TAMALIN: variants seen among roughly 807,000 people sequenced by gnomAD.
TAMALIN encodes protein TAMALIN.
TAMALIN carries 9 observed loss-of-function variants against 38.5 expected under a neutral mutation model. That is an observed-to-expected ratio of 0.23 (90% CI 0.14 to 0.41). TAMALIN has a LOEUF of 0.41. Ranked by LOEUF, TAMALIN falls within the 10% of genes least tolerant of loss-of-function variation. The pLI, the probability that TAMALIN is intolerant of heterozygous loss-of-function variation, is 1.00. For synonymous variants in TAMALIN, 306 were observed against 256.5 expected (o/e 1.19, Z -1.85); for missense variants, 548 against 554.1 (o/e 0.99, Z 0.11).
intron 4 of TAMALIN, among the ~76,000 whole-genome samples, chr12:52,012,129 CA>C (rs1198299600): frequency 1.3e-5 from 2 of 152,152 alleles, no homozygotes; most frequent in Non-Finnish European, 2.9e-5. Context: ...GCAAAAGAGA[CA>C]AAACATGGGT....
At position 52,008,996 on chromosome 12, in the gene TAMALIN, G is replaced by A. The variant is rs2641528; in HGVS notation, c.247-194G>A. On this transcript the variant is annotated intron_variant, in intron 1 of 7. Coordinates refer to ENST00000293662, the MANE Select transcript of TAMALIN (RefSeq NM_181711.4). ...CTGCAGTCCCAGGTATGAAGGTAAG[G>A]CCTGTAGAGAAAGTTGAGGAGTGGT... Among the ~76,000 whole-genome samples, 1,438 of 152,346 alleles carry A rather than the reference G, an allele frequency of 9.4e-3. 31 individuals are homozygous for A. Among genetic ancestry groups the A allele is most frequent in the African/African-American group, 0.033 (1,368 of 41,554 alleles).
At position 52,011,120 on chromosome 12, in the gene TAMALIN, C is replaced by G; in HGVS notation, c.433C>G (p.Gln145Glu). The change falls in exon 4 of 8, where the codon CAG (glutamine) becomes GAG (glutamate). Residue 145 changes from glutamine (Q) to glutamate (E), a missense_variant. This residue lies in a region of TAMALIN where 415 missense variants were observed against 417.0 expected (regional missense o/e 1.00). Coordinates refer to ENST00000293662, the MANE Select transcript of TAMALIN (RefSeq NM_181711.4). The surrounding 1 kb of genome is among the most constrained non-coding windows in gnomAD (Gnocchi z 5.3). ...CCGAGTTCATGAGTCTAGCCCTGCC[C>G]AGCTGGCTGGGCTCACACCAGGTGG... ...VCRVHESSPA[Q>E]LAGLTPGDTI... 6.2e-7 allele frequency: 1 copy of G among 1,612,298 alleles called. No individual in the cohort carries two copies. Among genetic ancestry groups the G allele is most frequent in the East Asian group, 2.2e-5 (1 of 44,890 alleles).
intron 7 of TAMALIN, 136 bp downstream of exon 7, chr12:52,014,337 GCTA>G (rs1937734374): frequency 1.6e-5 from 12 of 761,630 alleles, no homozygotes; most frequent in Non-Finnish European, 9.1e-6. Flanking sequence ...GGTTTGTTGA[GCTA>G]CTACTACTTT....
In TAMALIN at chr12:52,015,138, G is replaced by A. The variant is rs780085804; in HGVS notation, c.1127G>A (p.Arg376Gln). ...ACCAAGTACCGCAGCTTCCGCCGGC[G>A]GCTGCTCAAGTTCATCCCCGGACTC... The part of the protein sequence containing the change: ...RKTKYRSFRR[R>Q]LLKFIPGLNR... Residue 376 changes from arginine to glutamine, a missense_variant, in exon 8 of 8, where the codon CGG becomes CAG. By Grantham distance (43) the Arg-to-Gln change is conservative. This residue lies in a region of TAMALIN where 415 missense variants were observed against 417.0 expected (regional missense o/e 1.00). Transcript: ENST00000293662. 1 of 1,593,118 alleles carries A rather than the reference G, an allele frequency of 6.3e-7. No homozygotes were observed. Among genetic ancestry groups the A allele is most frequent in the Non-Finnish European group, 8.5e-7 (1 of 1,177,816 alleles).
At position 52,015,078 on chromosome 12, in the gene TAMALIN, G is replaced by T. The variant is rs769742423; in HGVS notation, c.1067G>T (p.Arg356Leu). The change falls in exon 8 of 8, where the codon CGC (arginine) becomes CTC (leucine). Residue 356 changes from arginine (R) to leucine (L), a missense_variant. Arg to Leu is a moderately radical substitution (Grantham distance 102, BLOSUM62 -2). Transcript: ENST00000293662. ...CCGGGCGCGCTCTGGACTGAGGCTC[G>T]CGAGCAGGCCCTATGCGGCCCCGGC... ...GAPGALWTEAREQALCGPGLR... is the reference protein window; with the variant it reads ...GAPGALWTEALEQALCGPGLR... 2 of 1,506,836 alleles carry T rather than the reference G, an allele frequency of 1.3e-6. No homozygotes were observed. The highest frequency in any genetic ancestry group is 1.2e-5 in the South Asian group (1 of 81,992). 93.3% of individuals were successfully genotyped at this position (1,506,836 alleles called of 1,614,324 possible).
chr12:52,012,220 A>G (rs1185903389), intron 4 of TAMALIN, among the ~76,000 whole-genome samples: 1 of 152,210 alleles, frequency 6.6e-6, no homozygotes, highest in Non-Finnish European at 1.5e-5. Flanking sequence ...CAAAAACAGC[A>G]TGGATCCCTT....
At chr12:52,008,410 AC>A (rs927580131) in intron 1 of TAMALIN, 179 of 957,696 alleles carry the variant, frequency 1.9e-4, no homozygotes, top group Non-Finnish European at 2.2e-4. Context: ...CTTCCTCCAC[AC>A]CCCCCACCAC....
intron 1 of TAMALIN, chr12:52,008,106 T>C (rs1188718240): frequency 2.0e-6 from 2 of 985,268 alleles, no homozygotes; most frequent in African/African-American, 3.5e-5. Context: ...ATGAAAATCA[T>C]GTTGAAAGAC....
chr12:52,012,684 A>G (rs1743855126), intron 4 of TAMALIN, among the ~76,000 whole-genome samples: 1 of 152,196 alleles, frequency 6.6e-6, no homozygotes, highest in Non-Finnish European at 1.5e-5. Flanking sequence ...AACTTCTCAA[A>G]GTAGTTTCAA....
chr12:52,014,570 G>T (rs1354291663), intron 7 of TAMALIN, 124 bp from the exon 8 acceptor site: 1 of 737,054 alleles, frequency 1.4e-6, no homozygotes, highest in Non-Finnish European at 2.1e-6. Flanking sequence ...TTTGTGCCTG[G>T]CCAGGGCCAC....
intron 1 of TAMALIN, chr12:52,008,246 G>T (rs896254671): frequency 2.0e-6 from 2 of 985,220 alleles, no homozygotes; most frequent in Non-Finnish European, 2.4e-6. Context: ...GGTTAGCAAA[G>T]GCACAGAACA....
At position 52,011,605 on chromosome 12, in the gene TAMALIN, CTT is replaced by C. The variant is rs11286503; in HGVS notation, c.454+476_454+477del. ...TTACTCCCTTTTAAAAAATTAGAAA[CTT>C]TTTTTTTTTTTAAGAGACAGGGCCT... On this transcript the variant is annotated intron_variant, in intron 4 of 7. Coordinates refer to ENST00000293662, the MANE Select transcript of TAMALIN (RefSeq NM_181711.4). The surrounding 1 kb of genome is among the most constrained non-coding windows in gnomAD (Gnocchi z 5.3). Among the ~76,000 whole-genome samples the C allele has an allele frequency of 4.3e-3, 644 of 148,398 alleles. 1 individual carries two copies. The highest frequency in any genetic ancestry group is 0.011 in the African/African-American group (463 of 40,570).
At position 52,007,095 on chromosome 12, in the gene TAMALIN, C is replaced by T. The variant is rs770208816; in HGVS notation, c.76C>T (p.Pro26Ser). ...CACCCCGGACCCCGCCGCCCGGACT[C>T]CCGACTCGGAAGTCGCGCCCGCCGC... ...AATPDPAART[P>S]DSEVAPAAPV... Residue 26 changes from proline (P) to serine (S), a missense_variant, in exon 1 of 8, where the codon CCC becomes TCC. Transcript: ENST00000293662. The surrounding 1 kb of genome is among the most constrained non-coding windows in gnomAD (Gnocchi z 6.7). 8 of 1,481,892 alleles carry T rather than the reference C, an allele frequency of 5.4e-6. No individual in the cohort carries two copies. The South Asian group carries it at 6.4e-5, about 12-fold the overall frequency. 91.8% of individuals were successfully genotyped at this position (1,481,892 alleles called of 1,614,324 possible).
In TAMALIN at chr12:52,015,106, G is replaced by T. The variant is rs1392623315; in HGVS notation, c.1095G>T (p.Leu365=). The T allele has an allele frequency of 1.3e-6, 2 of 1,575,764 alleles. No individual in the cohort carries two copies. The highest frequency in any genetic ancestry group is 2.3e-5 in the East Asian group (1 of 43,796). Residue 365 remains leucine, a synonymous_variant, in exon 8 of 8, where the codon CTG becomes CTT. Transcript: ENST00000293662. ...AREQALCGPG[L]RKTKYRSFRR... The stretch of plus-strand genomic sequence containing the variant: ...AGCAGGCCCTATGCGGCCCCGGCCT[G>T]CGCAAAACCAAGTACCGCAGCTTCC...
At chr12:52,010,697 A>T (rs1265036043) in intron 2 of TAMALIN, 184 bp from the exon 3 acceptor site, 2 of 900,788 alleles carry the variant, frequency 2.2e-6, no homozygotes, top group African/African-American at 3.3e-5. Flanking sequence ...CTGTGGCTCC[A>T]TGAGGCTGAT....
chr12:52,014,624 C>A (rs1264388198), intron 7 of TAMALIN, 70 bp from the exon 8 acceptor site: 5 of 1,251,718 alleles, frequency 4.0e-6, no homozygotes, highest in Non-Finnish European at 5.3e-6. Context: ...CGCCCATGCC[C>A]TCCGACCCTT....
intron 4 of TAMALIN, among the ~76,000 whole-genome samples, chr12:52,013,328 C>T (rs540831985): frequency 4.2e-4 from 64 of 152,082 alleles, no homozygotes; most frequent in African/African-American, 1.2e-3. Context: ...CCGCCCGCCT[C>T]GGCCTCCCAA....
At position 52,009,222 on chromosome 12, in the gene TAMALIN, G is replaced by A. The variant is rs138364460; in HGVS notation, c.279G>A (p.Gln93=). The A allele has an allele frequency of 1.4e-4, 220 of 1,613,946 alleles. No homozygotes were observed. The highest frequency in any genetic ancestry group is 1.5e-4 in the Non-Finnish European group (179 of 1,180,014). Residue 93 remains glutamine, a synonymous_variant, in exon 2 of 8, where the codon CAG becomes CAA. Transcript: ENST00000293662. ...GATTCCGCTGGAAGAATCTCAGCCA[G>A]AGTCCTGAACAGCAGCGGTGAGTCA... ...GSGFRWKNLS[Q]SPEQQRKVLT...
chr12:52,010,480 G>C (rs1446725161), intron 2 of TAMALIN: 1 of 1,027,674 alleles, frequency 9.7e-7, no homozygotes, highest in Admixed American at 5.2e-5. Flanking sequence ...ACTGGCCTCT[G>C]GGGGTGGGGC....
Sources: gnomAD v4.1 joint callset for allele counts (sites outside exome capture counted in the v4.1 genomes callset) on GRCh38, gnomAD v4.1.1 for gene constraint, gnomAD v4.1.1 regional missense constraint, Gnocchi (gnomAD v3.1) non-coding constraint, MANE v1.5 for transcripts, NCBI Gene and HGNC (gene_info 2026-07-23, HGNC 2026-07-21) for gene names.